WAC: variants seen among roughly 807,000 people sequenced by gnomAD.
The protein encoded by WAC is WW domain containing adaptor with coiled-coil.
WAC carries 11 observed loss-of-function variants against 79.6 expected under a neutral mutation model. The ratio of observed to expected loss-of-function variants is 0.14; its 90% CI spans 0.09 to 0.23. The LOEUF is 0.23. Among genes scored for constraint, WAC ranks in the 10% least tolerant of loss-of-function variants. The pLI, the probability that WAC is intolerant of heterozygous loss-of-function variation, is 1.00. For synonymous variants in WAC, 304 were observed against 276.9 expected (o/e 1.10, Z -0.97); for missense variants, 728 against 773.5 (o/e 0.94, Z 0.70).
intron 7 of WAC, among the ~76,000 whole-genome samples, chr10:28,599,215 A>G (rs1458792540): frequency 6.6e-6 from 1 of 152,150 alleles, no homozygotes; most frequent in Non-Finnish European, 1.5e-5. Flanking sequence ...GTTTTTCTTA[A>G]CAACTAAATA....
chr10:28,599,821 C>T (rs528846541), intron 7 of WAC, among the ~76,000 whole-genome samples: 1 of 152,022 alleles, frequency 6.6e-6, no homozygotes, highest in East Asian at 1.9e-4. Flanking sequence ...GTGAGGTGAC[C>T]CCATTTAGGT....
chr10:28,612,091 A>C (rs1048975799), intron 10 of WAC, among the ~76,000 whole-genome samples, 169 bp downstream of exon 10: 1 of 152,184 alleles, frequency 6.6e-6, no homozygotes, highest in Non-Finnish European at 1.5e-5. Flanking sequence ...TCACTGAGGG[A>C]TAGAGGGGGG....
chr10:28,547,247 A>G (rs1316126042), intron 3 of WAC, among the ~76,000 whole-genome samples: 1 of 152,100 alleles, frequency 6.6e-6, no homozygotes, highest in East Asian at 1.9e-4. Flanking sequence ...AAGATTTCGG[A>G]CTTTTGGCCA....
rs930420812 is a variant in WAC, at chr10:28,622,223, T to C, written c.*2617T>C. 6.6e-6 allele frequency: 1 copy of C among 152,162 alleles called. No individual in the cohort carries two copies. Among genetic ancestry groups the C allele is most frequent in the African/African-American group, 2.4e-5 (1 of 41,440 alleles). 9.4% of individuals were successfully genotyped at this position (152,162 alleles called of 1,614,324 possible). A position where few individuals can be genotyped will look rare whatever the true frequency, so the allele number is the denominator to read the frequency against. On this transcript the variant is annotated 3_prime_UTR_variant, in exon 14 of 14. Transcript: ENST00000354911. The stretch of plus-strand genomic sequence containing the variant: ...GAAAATCTAAAATTTTGTGGAAATA[T>C]TTTAAATATTGCACCTTAATACAAG...
intron 3 of WAC, among the ~76,000 whole-genome samples, chr10:28,570,945 A>G (rs1838919752): frequency 1.0e-5 from 1 of 99,196 alleles, no homozygotes; most frequent in Non-Finnish European, 2.0e-5. Flanking sequence ...TTAAAGATAT[A>G]CTTTTTTTTT....
At chr10:28,576,451 TTATATA>T (rs1839250933) in intron 3 of WAC, among the ~76,000 whole-genome samples, 1 of 152,182 alleles carries the variant, frequency 6.6e-6, no homozygotes, top group South Asian at 2.1e-4. Flanking sequence ...GGCAGATGTA[TTATATA>T]TATAGCATTA....
At chr10:28,607,804 T>G (rs1841034035) in intron 7 of WAC, among the ~76,000 whole-genome samples, 2 of 152,232 alleles carry the variant, frequency 1.3e-5, no homozygotes, top group Admixed American at 1.3e-4. Flanking sequence ...AATTAAATCC[T>G]GTAGAATTAT....
At chr10:28,603,970 T>G (rs867622134) in intron 7 of WAC, among the ~76,000 whole-genome samples, 1 of 11,314 alleles carries the variant, frequency 8.8e-5, no homozygotes, top group African/African-American at 2.9e-4. Flanking sequence ...TGTATATATA[T>G]ATATATATAT....
chr10:28,535,929 C>T (rs1836640742), intron 3 of WAC, 172 bp downstream of exon 3: 1 of 588,168 alleles, frequency 1.7e-6, no homozygotes, highest in Admixed American at 3.8e-5. Flanking sequence ...AAACAAGATG[C>T]TGATGTGAGC....
At chr10:28,576,696 G>T (rs937703379) in intron 3 of WAC, among the ~76,000 whole-genome samples, 6 of 152,148 alleles carry the variant, frequency 3.9e-5, no homozygotes, top group Admixed American at 1.3e-4. Flanking sequence ...ATGTTAGACA[G>T]TTCTTTGGGA....
At chr10:28,617,869 T>A in intron 13 of WAC, 85 bp downstream of exon 13, 2 of 1,399,242 alleles carry the variant, frequency 1.4e-6, no homozygotes, top group Non-Finnish European at 1.9e-6. Flanking sequence ...CACATTTTAT[T>A]TATGAAATGT....
intron 3 of WAC, among the ~76,000 whole-genome samples, chr10:28,551,406 A>G (rs1340228542): frequency 6.6e-6 from 1 of 152,228 alleles, no homozygotes; most frequent in Admixed American, 6.5e-5. Flanking sequence ...TTTGACAGTA[A>G]AACTATGACT....
Position 28,594,858 on chromosome 10 carries a change from T to C in WAC, c.611-875T>C, listed in dbSNP as rs556199763. On this transcript the variant is annotated intron_variant, in intron 6 of 13. Coordinates refer to ENST00000354911, the MANE Select transcript of WAC (RefSeq NM_016628.5). ...ATATTGTAATTTAGATTGGACACTT[T>C]GAATGAACTTCAACATGATAGTTGA... Among the ~76,000 whole-genome samples, 20 of 152,280 alleles carry C rather than the reference T, an allele frequency of 1.3e-4. No individual in the cohort carries two copies. The South Asian group carries it at 4.1e-3, about 32-fold the overall frequency.
Position 28,535,682 on chromosome 10 carries a change from A to G in WAC, c.199A>G (p.Asn67Asp). 6.2e-7 allele frequency: 1 copy of G among 1,614,134 alleles called. No individual in the cohort carries two copies. The highest frequency in any genetic ancestry group is 8.5e-7 in the Non-Finnish European group (1 of 1,180,020). Residue 67 changes from asparagine (N) to aspartate (D), a missense_variant, in exon 3 of 14, where the codon AAC (asparagine) becomes GAC (aspartate). Asn to Asp is a conservative substitution (Grantham distance 23). Around this residue, in one of 3 missense-constraint regions of WAC, gnomAD observed 648 missense variants for 661.5 expected, o/e 0.98. Coordinates refer to ENST00000354911, the MANE Select transcript of WAC (RefSeq NM_016628.5). ...GTTGCGGAGATCTGATAGTCCTGAA[A>G]ACAAATACAGTGACAGCACAGGTCA... ...KMLRRSDSPENKYSDSTGHSK... is the reference protein window; with the variant it reads ...KMLRRSDSPEDKYSDSTGHSK...
At chr10:28,606,755 C>T (rs1840974289) in intron 7 of WAC, among the ~76,000 whole-genome samples, 1 of 152,108 alleles carries the variant, frequency 6.6e-6, no homozygotes, top group Non-Finnish European at 1.5e-5. Flanking sequence ...TGAATTTTCT[C>T]CTGATTTACA....
intron 3 of WAC, among the ~76,000 whole-genome samples, chr10:28,550,068 A>C (rs1397387960): frequency 2.6e-5 from 4 of 151,880 alleles, no homozygotes; most frequent in Non-Finnish European, 4.4e-5. Flanking sequence ...CGGGAGGCTG[A>C]TGAGGCAGGA....
At position 28,592,475 on chromosome 10, in the gene WAC, T is replaced by G. The variant is rs573367833; in HGVS notation, c.610+1643T>G. Among the ~76,000 whole-genome samples the G allele has an allele frequency of 3.5e-4, 53 of 152,054 alleles. No homozygotes were observed. The East Asian group carries it at 6.8e-3, about 19-fold the overall frequency. Reference sequence around the variant, plus strand: ...CGTCTCTACTAAAATACAAAAGTTATCTAGGTGTGGTGGTGAATGCCTGTA... The same window carrying G: ...CGTCTCTACTAAAATACAAAAGTTAGCTAGGTGTGGTGGTGAATGCCTGTA... On this transcript the variant is annotated intron_variant, in intron 6 of 13. Coordinates refer to ENST00000354911, the MANE Select transcript of WAC (RefSeq NM_016628.5).
In WAC at chr10:28,569,318, T is replaced by A. The variant is rs1003311459; in HGVS notation, c.275-14081T>A. Among the ~76,000 whole-genome samples, 14 of 152,330 alleles carry A rather than the reference T, an allele frequency of 9.2e-5. No individual in the cohort carries two copies. The East Asian group carries it at 2.7e-3, about 29-fold the overall frequency. ...TAAATGATCATTATGCAAAAACTTTTTCATATTAAGGAAACATTCATCTAT... is the reference window on the plus strand; with the variant it reads ...TAAATGATCATTATGCAAAAACTTTATCATATTAAGGAAACATTCATCTAT... On this transcript the variant is annotated intron_variant, in intron 3 of 13. Transcript: ENST00000354911.
chr10:28,560,458 G>C (rs1379334279), intron 3 of WAC, among the ~76,000 whole-genome samples: 1 of 152,178 alleles, frequency 6.6e-6, no homozygotes, highest in Non-Finnish European at 1.5e-5. Context: ...CAAAATGTTT[G>C]TGGTGTGAAG....
Sources: allele counts gnomAD v4.1 joint callset (sites outside exome capture counted in the v4.1 genomes callset), GRCh38; gene constraint gnomAD v4.1.1; regional missense constraint gnomAD v4.1.1; transcripts MANE v1.5; gene names NCBI Gene and HGNC (gene_info 2026-07-23, HGNC 2026-07-21).